The following BICRA variants were observed in gnomAD, a reference collection of about 807,000 sequenced individuals.
The protein encoded by BICRA is BRD4 interacting chromatin remodeling complex associated protein.
In BICRA, 31 loss-of-function variants were observed where a neutral mutation model predicts 96.9. The ratio of observed to expected loss-of-function variants is 0.32; its 90% confidence interval spans 0.24 to 0.43. BICRA has a LOEUF of 0.43. Among genes scored for constraint, BICRA ranks in the 20% least tolerant of loss-of-function variants. BICRA has a pLI of 1.00. For synonymous variants in BICRA, 1,350 were observed against 1,071.8 expected, an observed-to-expected ratio of 1.26 and a Z score of -5.07; for missense variants, 2,283 against 2,190.3, an observed-to-expected ratio of 1.04 and a Z score of -0.84.
chr19:47,670,809 C>T (rs1302678537), intron 2 of BICRA, among the ~76,000 whole-genome samples: 1 of 152,230 alleles, frequency 6.6e-6, no homozygotes, highest in East Asian at 1.9e-4. Flanking sequence ...CATGCCTTTG[C>T]ATGCCTTCTG....
chr19:47,690,136 G>T (rs1488617875), intron 7 of BICRA, among the ~76,000 whole-genome samples: 1 of 152,020 alleles, frequency 6.6e-6, no homozygotes, highest in Non-Finnish European at 1.5e-5. Flanking sequence ...CTAGTAGCTG[G>T]GATTACAGGT....
intron 10 of BICRA, among the ~76,000 whole-genome samples, chr19:47,696,231 C>T (rs1261005539): frequency 6.6e-6 from 1 of 152,120 alleles, no homozygotes; most frequent in Non-Finnish European, 1.5e-5. Context: ...CCCAGGGCTC[C>T]AGCCTGCCTG....
At chr19:47,673,442 C>G in intron 2 of BICRA, 128 bp from the exon 3 acceptor site, 4 of 731,856 alleles carry the variant, frequency 5.5e-6, no homozygotes, top group Non-Finnish European at 9.8e-6. Context: ...CCCCATCTAT[C>G]CCCATGGACT....
intron 1 of BICRA, among the ~76,000 whole-genome samples, chr19:47,660,750 A>T (rs1212631259): frequency 6.6e-6 from 1 of 152,140 alleles, no homozygotes; most frequent in African/African-American, 2.4e-5. Flanking sequence ...TGGCATCATC[A>T]TGTAGTTCCC....
In BICRA at chr19:47,679,682, G is replaced by A. The variant is rs1972999207; in HGVS notation, c.512G>A (p.Gly171Asp). Residue 171 changes from glycine to aspartate, a missense_variant, in exon 6 of 15, where the codon GGC becomes GAC. Coordinates refer to ENST00000594866, the MANE Select transcript of BICRA (RefSeq NM_001394372.1). ...PGSTDLLGLQ[G>D]PPTVLTHQAL... ...AGCACCGACCTGCTGGGGCTGCAGG[G>A]CCCGCCTACCGTGCTGACCCACCAG... is the stretch of plus-strand genomic sequence containing the variant. 6.6e-7 allele frequency: 1 copy of A among 1,523,298 alleles called. No individual in the cohort carries two copies. Among genetic ancestry groups the A allele is most frequent in the Non-Finnish European group, 8.8e-7 (1 of 1,137,550 alleles). The allele number at this position is 1,523,298 out of a possible 1,614,324, so 94.4% of individuals were successfully genotyped here. A position where few individuals can be genotyped will look rare whatever the true frequency, so the allele number is the denominator to read the frequency against.
At chr19:47,632,123 C>T (rs910332541) in intron 1 of BICRA, among the ~76,000 whole-genome samples, 1 of 152,154 alleles carries the variant, frequency 6.6e-6, no homozygotes, top group Admixed American at 6.6e-5. Context: ...TGGGGAGTGA[C>T]CCGACCTGAC....
chr19:47,656,362 T>A (rs1972618833), intron 1 of BICRA, among the ~76,000 whole-genome samples: 1 of 152,156 alleles, frequency 6.6e-6, no homozygotes, highest in South Asian at 2.1e-4. Context: ...AGGCTCAGTG[T>A]TAATGAATCA....
chr19:47,614,657 A>G (rs1971958023), intron 1 of BICRA, among the ~76,000 whole-genome samples: 1 of 152,180 alleles, frequency 6.6e-6, no homozygotes, highest in Non-Finnish European at 1.5e-5. Flanking sequence ...AAAACTATTC[A>G]TCTTACACAG....
In BICRA at chr19:47,675,358, G is replaced by A. The variant is rs1361348561; in HGVS notation, c.85-493G>A. On this transcript the variant is annotated intron_variant, in intron 4 of 14. Coordinates refer to ENST00000594866, the MANE Select transcript of BICRA (RefSeq NM_001394372.1). This position sits in a 1 kb window ranked among gnomAD's most constrained non-coding sequence, Gnocchi z 4.7. The stretch of plus-strand genomic sequence containing the variant: ...GGGCCTGTTCTGGGCACTAAGGATG[G>A]TGCTAAGCATCTGAGAATGCCCTGC... 6.6e-6 allele frequency among the ~76,000 whole-genome samples: 1 copy of A among 152,226 alleles called. No homozygotes were observed. The highest frequency in any genetic ancestry group is 1.5e-5 in the Non-Finnish European group (1 of 68,042).
At chr19:47,673,884 G>GT in intron 4 of BICRA, 122 bp downstream of exon 4, 3 of 862,170 alleles carry the variant, frequency 3.5e-6, no homozygotes, top group Non-Finnish European at 5.9e-6. Context: ...TCTAACGCCA[G>GT]GCACTGGAGT....
chr19:47,625,040 C>T (rs1344613228), intron 1 of BICRA, among the ~76,000 whole-genome samples: 7 of 134,702 alleles, frequency 5.2e-5, no homozygotes, highest in African/African-American at 1.7e-4. Context: ...CACTCTGTTG[C>T]CCAGGGTGAA....
intron 1 of BICRA, among the ~76,000 whole-genome samples, chr19:47,651,962 A>G (rs1173216037): frequency 1.3e-5 from 2 of 152,184 alleles, no homozygotes. Context: ...GAACGTTTGA[A>G]CCGCACCAGG....
intron 1 of BICRA, among the ~76,000 whole-genome samples, chr19:47,654,320 T>C (rs137934447): frequency 1.3e-5 from 2 of 152,156 alleles, no homozygotes; most frequent in African/African-American, 4.8e-5. Flanking sequence ...TTTGTATACC[T>C]CTTTCTTTTT....
intron 5 of BICRA, among the ~76,000 whole-genome samples, chr19:47,677,783 C>G (rs903276890): frequency 6.6e-6 from 1 of 152,242 alleles, no homozygotes; most frequent in African/African-American, 2.4e-5. Context: ...CTGATGTGAG[C>G]TTTACTCCAC....
intron 1 of BICRA, among the ~76,000 whole-genome samples, chr19:47,651,147 A>G (rs1335892825): frequency 1.3e-5 from 2 of 151,030 alleles, no homozygotes; most frequent in Admixed American, 6.6e-5. Flanking sequence ...TCCGTTCTCC[A>G]CTCTACAGCC....
At chr19:47,648,862 T>C (rs1972502589) in intron 1 of BICRA, among the ~76,000 whole-genome samples, 1 of 151,000 alleles carries the variant, frequency 6.6e-6, no homozygotes, top group Non-Finnish European at 1.5e-5. Flanking sequence ...ATTTTTTTTT[T>C]TTTTTTTGAG....
At chr19:47,653,015 C>CTTTTT (rs869230602) in intron 1 of BICRA, among the ~76,000 whole-genome samples, 10 of 113,700 alleles carry the variant, frequency 8.8e-5, no homozygotes, top group African/African-American at 2.2e-4. Context: ...CGTCCTCATT[C>CTTTTT]TTTTTTTTTT....
At chr19:47,650,840 G>A (rs1212084163) in intron 1 of BICRA, among the ~76,000 whole-genome samples, 1 of 152,158 alleles carries the variant, frequency 6.6e-6, no homozygotes, top group African/African-American at 2.4e-5. Flanking sequence ...GCATGTGTGA[G>A]GGCTTGTGTG....
At chr19:47,633,080 C>CT (rs34761702) in intron 1 of BICRA, among the ~76,000 whole-genome samples, 32,827 of 93,346 alleles carry the variant, frequency 0.35, 6,171 homozygotes, top group East Asian at 0.51. Flanking sequence ...GATTTTATTT[C>CT]TTTTTTTTTT....
Sources: allele counts gnomAD v4.1 joint callset (sites outside exome capture counted in the v4.1 genomes callset), GRCh38; gene constraint gnomAD v4.1.1; non-coding constraint Gnocchi (gnomAD v3.1); transcripts MANE v1.5; gene names NCBI Gene and HGNC (gene_info 2026-07-23, HGNC 2026-07-21).